MAX: variants seen among roughly 807,000 people sequenced by gnomAD.
The protein encoded by MAX is MYC associated transcriptional regulator X, also known as protein max.
Under a neutral mutation model 22.3 loss-of-function variants are expected in MAX, and 3 were observed. The ratio of observed to expected loss-of-function variants is 0.13; its 90% confidence interval spans 0.06 to 0.35. MAX has a LOEUF of 0.35. Ranked by LOEUF, MAX falls within the 10% of genes least tolerant of loss-of-function variation. MAX has a pLI of 1.00. For missense variants in MAX, 119 were observed against 209.4 expected, an observed-to-expected ratio of 0.57 and a Z score of 2.66; for synonymous variants, 72 against 77.7, an observed-to-expected ratio of 0.93 and a Z score of 0.39.
chr14:65,094,019 G>C (rs2063588658), intron 2 of MAX: 2 of 619,918 alleles, frequency 3.2e-6, no homozygotes, highest in South Asian at 3.5e-5. Flanking sequence ...GCTTGCGACA[G>C]GAACATCCAA....
rs545111480 is a variant in MAX, at chr14:65,079,801, G to C, written c.172-1765C>G. 6.6e-6 allele frequency among the ~76,000 whole-genome samples: 1 copy of C among 152,232 alleles called. No individual in the cohort carries two copies. Among genetic ancestry groups the C allele is most frequent in the African/African-American group, 2.4e-5 (1 of 41,458 alleles). ...TTTGGGCTGAGTTTCAGAAAGGTTTGTAAGGCCCGTGCTTATTCATAAGTC... is the reference window on the plus strand; with the variant it reads ...TTTGGGCTGAGTTTCAGAAAGGTTTCTAAGGCCCGTGCTTATTCATAAGTC... On this transcript the variant is annotated intron_variant, in intron 3 of 4. Coordinates refer to ENST00000358664, the MANE Select transcript of MAX (RefSeq NM_002382.5). This position sits in a 1 kb window ranked among gnomAD's most constrained non-coding sequence, Gnocchi z 4.5.
chr14:65,081,519 A>T (rs545406603), intron 3 of MAX, among the ~76,000 whole-genome samples: 1 of 152,208 alleles, frequency 6.6e-6, no homozygotes, highest in African/African-American at 2.4e-5. Flanking sequence ...CCAGCAAGAA[A>T]CCCTGGGATT....
intron 3 of MAX, among the ~76,000 whole-genome samples, chr14:65,038,093 G>C (rs1481047003): frequency 1.3e-5 from 2 of 152,000 alleles, no homozygotes; most frequent in African/African-American, 4.8e-5. Context: ...CATCCCATTA[G>C]TACATTTGAT....
chr14:65,085,814 G>C, intron 3 of MAX, among the ~76,000 whole-genome samples: 1 of 152,206 alleles, frequency 6.6e-6, no homozygotes, highest in East Asian at 1.9e-4. Context: ...CCTGGGCAGT[G>C]TGGCTGGGGT....
chr14:65,028,537 A>C lies in MAX; in HGVS notation c.172-22253T>G, dbSNP rs1478331691. Among the ~76,000 whole-genome samples the C allele has an allele frequency of 3.3e-5, 5 of 152,210 alleles. No individual in the cohort carries two copies. Reference sequence around the variant, plus strand: ...TATGTGTAAATGGGTTTGCTTCTACACAAGTTGATTAATAGTCTGGCTTAA... The same window carrying C: ...TATGTGTAAATGGGTTTGCTTCTACCCAAGTTGATTAATAGTCTGGCTTAA... On this transcript the variant is annotated intron_variant, in intron 3 of 3. Coordinates refer to the MAX transcript ENST00000341653. This position sits in a 1 kb window ranked among gnomAD's most constrained non-coding sequence, Gnocchi z 4.4.
intron 3 of MAX, chr14:65,022,024 CA>C (rs1314522508): frequency 1.3e-5 from 6 of 455,922 alleles, no homozygotes; most frequent in Non-Finnish European, 2.6e-5. Flanking sequence ...GATGAAGAGT[CA>C]AATAACACGT....
rs942622686 is a variant in MAX, at chr14:65,047,201, C to T, written c.172-40917G>A. On this transcript the variant is annotated intron_variant, in intron 3 of 3. Coordinates refer to the MAX transcript ENST00000341653. This position sits in a 1 kb window ranked among gnomAD's most constrained non-coding sequence, Gnocchi z 5.2. Reference sequence around the variant, plus strand: ...ACTGTATGCCAGGGGCTGTACTGAGCATTTCACATATGTTTTCTCATTTAA... The same window carrying T: ...ACTGTATGCCAGGGGCTGTACTGAGTATTTCACATATGTTTTCTCATTTAA... 6.6e-6 allele frequency among the ~76,000 whole-genome samples: 1 copy of T among 152,182 alleles called. No individual in the cohort carries two copies. Among genetic ancestry groups the T allele is most frequent in the Admixed American group, 6.5e-5 (1 of 15,276 alleles).
At chr14:65,008,521 TGAGA>T (rs1261911634) in intron 3 of MAX, among the ~76,000 whole-genome samples, 1 of 152,226 alleles carries the variant, frequency 6.6e-6, no homozygotes, top group Non-Finnish European at 1.5e-5. Context: ...TGGGATAATT[TGAGA>T]GAGAGAATCA....
intron 3 of MAX, among the ~76,000 whole-genome samples, chr14:65,080,368 C>T (rs771983250): frequency 1.5e-4 from 23 of 152,014 alleles, no homozygotes; most frequent in Non-Finnish European, 2.4e-4. Context: ...TACAAAGGGA[C>T]CTTATTAGGG....
chr14:65,078,094 A>G lies in MAX; in HGVS notation c.172-58T>C. 2 of 1,609,932 alleles carry G rather than the reference A, an allele frequency of 1.2e-6. No individual in the cohort carries two copies. The highest frequency in any genetic ancestry group is 1.7e-6 in the Non-Finnish European group (2 of 1,176,746). The stretch of plus-strand genomic sequence containing the variant: ...AAATAAAAACCCAATCCAGGCAGTG[A>G]GGGAACCTGGCCTGCAGCAACTGCT... On this transcript the variant is annotated intron_variant, in intron 3 of 4. Coordinates refer to ENST00000358664, the MANE Select transcript of MAX (RefSeq NM_002382.5). The surrounding 1 kb of genome is among the most constrained non-coding windows in gnomAD (Gnocchi z 6.4).
downstream of MAX, among the ~76,000 whole-genome samples, chr14:65,072,739 T>C (rs547019601): frequency 6.6e-5 from 10 of 152,304 alleles, no homozygotes; most frequent in African/African-American, 2.4e-4. Context: ...TCCAAAAGTG[T>C]CCAAACCTGA....
intron 3 of MAX, among the ~76,000 whole-genome samples, chr14:65,046,028 C>T (rs2062469599): frequency 6.6e-6 from 1 of 152,088 alleles, no homozygotes; most frequent in Non-Finnish European, 1.5e-5. Context: ...ACTCTTGTTG[C>T]CCAGGCCGGA....
rs1158558044 is a variant in MAX, at chr14:65,102,174, TC to T, written c.36+129del. 5.1e-5 allele frequency: 78 copies of T among 1,520,484 alleles called. No individual in the cohort carries two copies. The East Asian group carries it at 1.6e-3, about 31-fold the overall frequency. 94.2% of individuals were successfully genotyped at this position (1,520,484 alleles called of 1,614,324 possible). ...CGAACCGGGAACGCGACGGAGGCAC[TC>T]CTGGCCCCGAGGGGAAGGGGAAGGA... On this transcript the variant is annotated intron_variant, in intron 1 of 4. Transcript: ENST00000358664.
intron 3 of MAX, chr14:65,061,128 T>C (rs2062857475): frequency 1.9e-6 from 3 of 1,602,130 alleles, no homozygotes; most frequent in Admixed American, 1.7e-5. Context: ...GGATGTGTTA[T>C]GTTTTCAAGG....
intron 3 of MAX, among the ~76,000 whole-genome samples, chr14:65,010,673 A>T (rs2061668617): frequency 6.6e-6 from 1 of 152,114 alleles, no homozygotes; most frequent in Non-Finnish European, 1.5e-5. Context: ...CTCATCTCAA[A>T]AACCTTCAGG....
At chr14:65,085,081 G>T (rs1209437918) in intron 3 of MAX, among the ~76,000 whole-genome samples, 1 of 147,194 alleles carries the variant, frequency 6.8e-6, no homozygotes, top group Non-Finnish European at 1.5e-5. Context: ...ATTGAGATGT[G>T]CTGTTAAGTT....
At chr14:65,098,583 A>G (rs915337152) in intron 2 of MAX, among the ~76,000 whole-genome samples, 18 of 152,354 alleles carry the variant, frequency 1.2e-4, no homozygotes, top group Middle Eastern at 3.4e-3. Context: ...TCCCAAACAG[A>G]AATAAAGCAA....
At position 65,076,762 on chromosome 14, in the gene MAX, C is replaced by T; in HGVS notation, c.296-99G>A. 1 of 1,438,726 alleles carries T rather than the reference C, an allele frequency of 7.0e-7. No homozygotes were observed. Among genetic ancestry groups the T allele is most frequent in the Non-Finnish European group, 9.8e-7 (1 of 1,022,786 alleles). 89.1% of individuals were successfully genotyped at this position (1,438,726 alleles called of 1,614,324 possible). On this transcript the variant is annotated intron_variant, in intron 4 of 4. Transcript: ENST00000358664. The surrounding 1 kb of genome is among the most constrained non-coding windows in gnomAD (Gnocchi z 6.6). ...CCAGCCTGTTCTTCCTAAGGGCTTG[C>T]TTGTTGGCCCCCGAGGCTCAAGATG...
At chr14:65,052,987 A>G (rs2062647882) in intron 3 of MAX, among the ~76,000 whole-genome samples, 2 of 152,206 alleles carry the variant, frequency 1.3e-5, no homozygotes, top group Admixed American at 6.5e-5. Context: ...ATCACCATCC[A>G]CGTTAACAGG....
Sources: gnomAD v4.1 joint callset for allele counts (sites outside exome capture counted in the v4.1 genomes callset) on GRCh38, gnomAD v4.1.1 for gene constraint, Gnocchi (gnomAD v3.1) non-coding constraint, MANE v1.5 for transcripts, NCBI Gene and HGNC (gene_info 2026-07-23, HGNC 2026-07-21) for gene names.